CLASP2: variants seen among roughly 807,000 people sequenced by gnomAD.
CLASP2 encodes CLIP-associating protein 2.
CLASP2 carries 47 observed loss-of-function variants against 194.4 expected under a neutral mutation model. The ratio of observed to expected loss-of-function variants is 0.24; its 90% CI spans 0.19 to 0.31. The LOEUF (loss-of-function observed/expected upper bound fraction) is 0.31, where lower values mean the gene tolerates loss of function less well. Among genes scored for constraint, CLASP2 ranks in the 10% least tolerant of loss-of-function variants. CLASP2 has a pLI of 1.00. For synonymous variants in CLASP2, 619 were observed against 633.5 expected, an observed-to-expected ratio of 0.98 and a Z score of 0.34; for missense variants, 1,445 against 1,823.6, an observed-to-expected ratio of 0.79 and a Z score of 3.78.
chr3:33,547,337 T>C (rs1243540678), intron 30 of CLASP2, among the ~76,000 whole-genome samples: 1 of 152,216 alleles, frequency 6.6e-6, no homozygotes, highest in Non-Finnish European at 1.5e-5. Flanking sequence ...CTGACATCCA[T>C]GTAAGACATT....
chr3:33,572,026 C>T (rs959193423), intron 25 of CLASP2, among the ~76,000 whole-genome samples: 1 of 152,188 alleles, frequency 6.6e-6, no homozygotes, highest in Non-Finnish European at 1.5e-5. Context: ...ATTCCCAATA[C>T]ATGAATTTTA....
intron 8 of CLASP2, among the ~76,000 whole-genome samples, chr3:33,636,352 T>G (rs2080131685): frequency 6.6e-6 from 1 of 152,046 alleles, no homozygotes. Context: ...CAAAATAATC[T>G]GACATCTATA....
chr3:33,687,533 G>T (rs1161440838), intron 4 of CLASP2, among the ~76,000 whole-genome samples: 1 of 152,152 alleles, frequency 6.6e-6, no homozygotes, highest in Non-Finnish European at 1.5e-5. Context: ...TAAATTAAAA[G>T]ATCTTTATGC....
intron 1 of CLASP2, among the ~76,000 whole-genome samples, chr3:33,699,675 A>G (rs958609336): frequency 2.0e-5 from 3 of 152,166 alleles, no homozygotes; most frequent in Non-Finnish European, 2.9e-5. Flanking sequence ...TATACCTATG[A>G]TAAAGTTTAA....
intron 18 of CLASP2, chr3:33,602,586 C>T (rs368932477): frequency 1.1e-5 from 8 of 761,178 alleles, no homozygotes; most frequent in Admixed American, 5.1e-5. Context: ...AAAGGCTTCA[C>T]ATTCTTGGTA....
chr3:33,709,056 C>T (rs2092872329), intron 1 of CLASP2, among the ~76,000 whole-genome samples: 1 of 152,118 alleles, frequency 6.6e-6, no homozygotes, highest in African/African-American at 2.4e-5. Flanking sequence ...AGTAGAATGC[C>T]ATTTTGTTTT....
chr3:33,705,011 T>C (rs2092604274), intron 1 of CLASP2, among the ~76,000 whole-genome samples: 1 of 151,936 alleles, frequency 6.6e-6, no homozygotes, highest in Non-Finnish European at 1.5e-5. Context: ...TAAACATAAA[T>C]TTACCACATG....
chr3:33,560,287 C>T (rs375810114), intron 28 of CLASP2, among the ~76,000 whole-genome samples: 3 of 151,110 alleles, frequency 2.0e-5, no homozygotes, highest in African/African-American at 7.3e-5. Context: ...CTGTTGCCCA[C>T]GCTGGAGTGC....
intron 24 of CLASP2, among the ~76,000 whole-genome samples, chr3:33,574,259 T>G (rs758685450): frequency 2.0e-5 from 3 of 152,076 alleles, no homozygotes; most frequent in Admixed American, 6.5e-5. Flanking sequence ...CTCATTTAAT[T>G]TGTATGAAGT....
intron 1 of CLASP2, among the ~76,000 whole-genome samples, chr3:33,705,403 G>A (rs1255720693): frequency 6.6e-6 from 1 of 152,124 alleles, no homozygotes; most frequent in Admixed American, 6.5e-5. Context: ...TGGGTATGGA[G>A]GGTGGTATAA....
At chr3:33,679,177 A>T (rs542722956) in intron 6 of CLASP2, among the ~76,000 whole-genome samples, 2 of 152,318 alleles carry the variant, frequency 1.3e-5, no homozygotes, top group South Asian at 4.1e-4. Flanking sequence ...GGTCAACTGG[A>T]CATTCACAAA....
chr3:33,560,701 G>T, intron 28 of CLASP2, 107 bp downstream of exon 28: 3 of 866,052 alleles, frequency 3.5e-6, no homozygotes, highest in Non-Finnish European at 5.5e-6. Flanking sequence ...CGGAATCCAT[G>T]CAGTCTAAAT....
Position 33,548,095 on chromosome 3 carries a change from C to T in CLASP2, c.3153+3157G>A, listed in dbSNP as rs139246554. On this transcript the variant is annotated intron_variant, in intron 30 of 38. Coordinates refer to ENST00000682230, the MANE Select transcript of CLASP2 (RefSeq NM_001365631.1). Reference sequence around the variant, plus strand: ...CTGGCTTGTGCATAGTTTTTGAATACTAGATCAATTTCCTGTTATAGTTCT... The same window carrying T: ...CTGGCTTGTGCATAGTTTTTGAATATTAGATCAATTTCCTGTTATAGTTCT... 2.3e-3 allele frequency among the ~76,000 whole-genome samples: 352 copies of T among 151,826 alleles called. 2 individuals are homozygous for T. Among genetic ancestry groups the T allele is most frequent in the African/African-American group, 7.5e-3 (312 of 41,410 alleles).
At chr3:33,570,586 A>G in intron 26 of CLASP2, 141 bp downstream of exon 26, 2 of 1,056,232 alleles carry the variant, frequency 1.9e-6, no homozygotes, top group South Asian at 1.4e-5. Context: ...ATTACGTATG[A>G]TACCAAACAA....
At chr3:33,628,220 G>A (rs2078405904) in intron 9 of CLASP2, among the ~76,000 whole-genome samples, 1 of 152,206 alleles carries the variant, frequency 6.6e-6, no homozygotes, top group Non-Finnish European at 1.5e-5. Flanking sequence ...AGACAAGGCT[G>A]AAGAGGTAGA....
At chr3:33,628,093 G>C (rs576191461) in intron 9 of CLASP2, among the ~76,000 whole-genome samples, 2 of 152,184 alleles carry the variant, frequency 1.3e-5, no homozygotes, top group East Asian at 3.9e-4. Flanking sequence ...TCATCAAACC[G>C]CCTTACATCT....
chr3:33,708,501 T>C (rs1181403315), intron 1 of CLASP2, among the ~76,000 whole-genome samples: 4 of 81,738 alleles, frequency 4.9e-5, no homozygotes, highest in African/African-American at 1.9e-4. Flanking sequence ...TATATATATA[T>C]ATATGTATAT....
In CLASP2 at chr3:33,517,219, C is replaced by T. The variant is rs570763044; in HGVS notation, c.3788-45G>A. 56 of 1,463,080 alleles carry T rather than the reference C, an allele frequency of 3.8e-5. No homozygotes were observed. In the Middle Eastern group the frequency reaches 1.1e-3, roughly 28 times the overall value. The allele number at this position is 1,463,080 out of a possible 1,614,324, so 90.6% of individuals were successfully genotyped here. On this transcript the variant is annotated intron_variant, in intron 34 of 38. Transcript: ENST00000682230. ...TTAGTTCTATAACTTTATAGGGTGA[C>T]TCTCACAAGTATGGGGATAACAACT...
intron 29 of CLASP2, among the ~76,000 whole-genome samples, chr3:33,555,616 C>A (rs2060789930): frequency 6.6e-6 from 1 of 152,156 alleles, no homozygotes; most frequent in Non-Finnish European, 1.5e-5. Context: ...GATCTGCCCA[C>A]CTTGGTCTCC....
Sources: allele counts gnomAD v4.1 joint callset (sites outside exome capture counted in the v4.1 genomes callset), GRCh38; gene constraint gnomAD v4.1.1; transcripts MANE v1.5; gene names NCBI Gene and HGNC (gene_info 2026-07-23, HGNC 2026-07-21).